Variants in SMG7 observed in about 807,000 individuals in gnomAD.
The protein encoded by SMG7 is SMG7 nonsense mediated mRNA decay factor.
SMG7 carries 34 observed loss-of-function variants against 148.2 expected under a neutral mutation model. The observed-to-expected ratio is 0.23, with a 90% CI of 0.17 to 0.31. The LOEUF (loss-of-function observed/expected upper bound fraction) is 0.31. Among genes scored for constraint, SMG7 ranks in the 10% least tolerant of loss-of-function variants. SMG7 has a pLI of 1.00. For synonymous variants in SMG7, 492 were observed against 515.1 expected (o/e 0.96, Z 0.61); for missense variants, 1,114 against 1,408.4 (o/e 0.79, Z 3.35).
intron 1 of SMG7, among the ~76,000 whole-genome samples, chr1:183,488,128 C>T (rs1375991265): frequency 6.6e-6 from 1 of 152,206 alleles, no homozygotes; most frequent in African/African-American, 2.4e-5. Context: ...AGGCTTTTCA[C>T]TTAGTGTGTT....
chr1:183,542,888 ATGCAGTTTTTTTTTTTAG>A (rs1369452671), intron 14 of SMG7, among the ~76,000 whole-genome samples: 1 of 148,448 alleles, frequency 6.7e-6, no homozygotes, highest in Admixed American at 6.7e-5. Flanking sequence ...ATTAAGGCTT[ATGCAGTTTTTTTTTTTAG>A]ATTCACTATA....
chr1:183,541,180 A>G (rs889567165), intron 13 of SMG7, 77 bp downstream of exon 13: 2 of 1,250,860 alleles, frequency 1.6e-6, no homozygotes, highest in East Asian at 4.7e-5. Context: ...GCGCGCGCAC[A>G]CACACACATC....
chr1:183,541,255 G>C (rs1279949186), intron 13 of SMG7, 152 bp downstream of exon 13: 1 of 679,188 alleles, frequency 1.5e-6, no homozygotes, highest in Admixed American at 2.5e-5. Context: ...AAATCGACAT[G>C]TTGGTAGCAC....
chr1:183,544,133 A>G (rs1336933451), intron 14 of SMG7, among the ~76,000 whole-genome samples: 1 of 152,224 alleles, frequency 6.6e-6, no homozygotes, highest in African/African-American at 2.4e-5. Flanking sequence ...ATCATGGGAA[A>G]GCAAAATAAT....
chr1:183,540,785 T>G (rs1299383979), intron 12 of SMG7, among the ~76,000 whole-genome samples, 199 bp from the exon 13 acceptor site: 2 of 152,248 alleles, frequency 1.3e-5, no homozygotes, highest in Non-Finnish European at 2.9e-5. Flanking sequence ...TGAATTTGTA[T>G]ATTTTCTTTT....
Position 183,534,138 on chromosome 1 carries a change from T to C in SMG7, c.1163+306T>C, listed in dbSNP as rs145771550. 9.4e-3 allele frequency among the ~76,000 whole-genome samples: 1,433 copies of C among 152,252 alleles called. 18 individuals carry two copies. The highest frequency in any genetic ancestry group is 0.033 in the African/African-American group (1,362 of 41,532). The stretch of plus-strand genomic sequence containing the variant: ...CTTGAAGTAAAACCAGTTTGTTTCT[T>C]ATCTATTACAGTATTCCTTAATTTT... On this transcript the variant is annotated intron_variant, in intron 10 of 22. Coordinates refer to ENST00000688051, the MANE Select transcript of SMG7 (RefSeq NM_001375584.1).
intron 4 of SMG7, among the ~76,000 whole-genome samples, chr1:183,522,201 A>T (rs988543208): frequency 6.6e-6 from 1 of 152,188 alleles, no homozygotes; most frequent in African/African-American, 2.4e-5. Flanking sequence ...CTAAGTAGAG[A>T]TTTGAAATAA....
intron 3 of SMG7, among the ~76,000 whole-genome samples, chr1:183,516,506 G>T (rs192423137): frequency 6.6e-6 from 1 of 152,000 alleles, no homozygotes; most frequent in African/African-American, 2.4e-5. Context: ...AGACTTTTCC[G>T]CTTCTTCTTT....
intron 1 of SMG7, among the ~76,000 whole-genome samples, chr1:183,494,054 C>T (rs1571825799): frequency 6.6e-6 from 1 of 152,156 alleles, no homozygotes; most frequent in Non-Finnish European, 1.5e-5. Flanking sequence ...GTGACACCAT[C>T]ATGGCTCACT....
At position 183,549,844 on chromosome 1, in the gene SMG7, C is replaced by T. The variant is rs1186821224; in HGVS notation, c.3054C>T (p.Pro1018=). Residue 1018 remains proline (P), a synonymous_variant, in exon 20 of 23, where the codon CCC becomes CCT. Transcript: ENST00000688051. Reference sequence around the variant, plus strand: ...CCAGCTCCAAAGCAGAACTCAGTCCCTCAATGGCCCCCCAGGAAACATCTC... The same window carrying T: ...CCAGCTCCAAAGCAGAACTCAGTCCTTCAATGGCCCCCCAGGAAACATCTC... ...LTSSSKAELS[P]SMAPQETSLY... 2.5e-6 allele frequency: 4 copies of T among 1,613,840 alleles called. No individual in the cohort carries two copies. Among genetic ancestry groups the T allele is most frequent in the South Asian group, 1.1e-5 (1 of 91,080 alleles).
At chr1:183,473,351 G>C (rs902322798) in intron 1 of SMG7, among the ~76,000 whole-genome samples, 1 of 151,988 alleles carries the variant, frequency 6.6e-6, no homozygotes, top group Non-Finnish European at 1.5e-5. Flanking sequence ...TCTGAGAGTC[G>C]TGTGTATTCA....
Position 183,541,474 on chromosome 1 carries a change from C to G in SMG7, c.1415+371C>G, listed in dbSNP as rs558510828. Among the ~76,000 whole-genome samples, 7 of 152,290 alleles carry G rather than the reference C, an allele frequency of 4.6e-5. No homozygotes were observed. The East Asian group carries it at 1.4e-3, about 29-fold the overall frequency. On this transcript the variant is annotated intron_variant, in intron 13 of 22. Coordinates refer to ENST00000688051, the MANE Select transcript of SMG7 (RefSeq NM_001375584.1). ...GTAGTCAGTTTCAGGCAGGACAGAC[C>G]AAGATCGTGCTAGTAGCCAGTTAAG... is the stretch of plus-strand genomic sequence containing the variant.
intron 4 of SMG7, among the ~76,000 whole-genome samples, chr1:183,524,263 C>T (rs1441244498): frequency 6.6e-6 from 1 of 151,816 alleles, no homozygotes; most frequent in Non-Finnish European, 1.5e-5. Context: ...TTTTGTTTCA[C>T]TTTATTTTCA....
At position 183,529,057 on chromosome 1, in the gene SMG7, T is replaced by G. The variant is rs781172312; in HGVS notation, c.707+15T>G. ...GCACTGGAAAGGTAGGGTTGTTTGG[T>G]TTTTTTTTTCTCTTTCCAAGAGGAC... is the stretch of plus-strand genomic sequence containing the variant. On this transcript the variant is annotated intron_variant, in intron 7 of 22. Transcript: ENST00000688051. The G allele has an allele frequency of 3.9e-6, 6 of 1,527,164 alleles. No individual in the cohort carries two copies. The highest frequency in any genetic ancestry group is 1.4e-5 in the African/African-American group (1 of 70,888). 94.6% of individuals were successfully genotyped at this position (1,527,164 alleles called of 1,614,324 possible).
intron 1 of SMG7, among the ~76,000 whole-genome samples, chr1:183,497,888 T>C (rs1658892393): frequency 6.6e-6 from 1 of 152,154 alleles, no homozygotes; most frequent in South Asian, 2.1e-4. Context: ...TTTATTATTA[T>C]ACAGCACCCA....
intron 4 of SMG7, among the ~76,000 whole-genome samples, chr1:183,520,749 A>G (rs2102513678): frequency 6.6e-6 from 1 of 152,336 alleles, no homozygotes; most frequent in South Asian, 2.1e-4. Context: ...GTTTAACTAG[A>G]AATTGGTAAA....
intron 8 of SMG7, 130 bp from the exon 9 acceptor site, chr1:183,533,034 A>G (rs1667142680): frequency 2.7e-6 from 2 of 728,110 alleles, no homozygotes; most frequent in Non-Finnish European, 4.5e-6. Context: ...GATTGAGGGC[A>G]GAACCATTTA....
chr1:183,529,444 G>C lies in SMG7; in HGVS notation c.754G>C (p.Ala252Pro), dbSNP rs749882734. The C allele has an allele frequency of 6.2e-7, 1 of 1,613,390 alleles. No individual in the cohort carries two copies. Among genetic ancestry groups the C allele is most frequent in the East Asian group, 2.2e-5 (1 of 44,846 alleles). The change falls in exon 8 of 23, where the codon GCC becomes CCC. Residue 252 changes from alanine (A) to proline (P), a missense_variant. Coordinates refer to ENST00000688051, the MANE Select transcript of SMG7 (RefSeq NM_001375584.1). Reference protein sequence around the residue: ...TKWGVSDFIKAFIKFHGHVYL... With the variant: ...TKWGVSDFIKPFIKFHGHVYL... ...GTGGGGTGTTTCTGACTTCATCAAGGCCTTTATTAAATTCCACGGTCATGT... is the reference window on the plus strand; with the variant it reads ...GTGGGGTGTTTCTGACTTCATCAAGCCCTTTATTAAATTCCACGGTCATGT...
intron 1 of SMG7, among the ~76,000 whole-genome samples, chr1:183,506,700 T>C (rs1318388012): frequency 1.3e-5 from 2 of 150,368 alleles, no homozygotes; most frequent in African/African-American, 4.9e-5. Flanking sequence ...TCTCCCAAAA[T>C]AAAAGAGAGT....
Sources: gnomAD v4.1 joint callset for allele counts (sites outside exome capture counted in the v4.1 genomes callset) on GRCh38, gnomAD v4.1.1 for gene constraint, MANE v1.5 for transcripts, NCBI Gene and HGNC (gene_info 2026-07-23, HGNC 2026-07-21) for gene names.